HIVEP1: variants seen among roughly 807,000 people sequenced by gnomAD.
HIVEP1 encodes the protein HIVEP zinc finger 1.
In HIVEP1, 36 loss-of-function variants were observed where a neutral mutation model predicts 180.0. The ratio of observed to expected loss-of-function variants is 0.20; its 90% confidence interval spans 0.15 to 0.26. The LOEUF (loss-of-function observed/expected upper bound fraction) is 0.26, where lower values mean the gene tolerates loss of function less well. HIVEP1 is among the 10% of genes least tolerant of loss of function. The pLI, the probability that HIVEP1 is intolerant of heterozygous loss-of-function variation, is 1.00. For synonymous variants in HIVEP1, 1,239 were observed against 1,239.0 expected (o/e 1.00, Z 0.00); for missense variants, 3,143 against 3,268.7 (o/e 0.96, Z 0.94).
At chr6:12,064,070 A>G (rs1771405534) in intron 2 of HIVEP1, among the ~76,000 whole-genome samples, 1 of 152,158 alleles carries the variant, frequency 6.6e-6, no homozygotes, top group African/African-American at 2.4e-5. Flanking sequence ...GCTCCTACCC[A>G]GGTTTCTGGC....
At chr6:12,168,109 G>GTGTATA (rs1562024499), downstream of HIVEP1, among the ~76,000 whole-genome samples, 314 of 7,476 alleles carry the variant, frequency 0.042, 90 homozygotes, top group African/African-American at 0.086. Context: ...ACGTATATAT[G>GTGTATA]TATATTATAT....
chr6:12,184,709 G>A, the HIVEP1 span, among the ~76,000 whole-genome samples: 10 of 151,968 alleles, frequency 6.6e-5, no homozygotes, highest in South Asian at 2.1e-4. Context: ...AGTTAGAATC[G>A]AAAAAAATCA....
At chr6:12,162,693 G>A (rs916899899) in intron 8 of HIVEP1, among the ~76,000 whole-genome samples, 1 of 152,168 alleles carries the variant, frequency 6.6e-6, no homozygotes, top group Admixed American at 6.5e-5. Context: ...TGCTGTAAGC[G>A]TCTCTATCCC....
intron 3 of HIVEP1, among the ~76,000 whole-genome samples, chr6:12,117,736 G>A (rs974210962): frequency 2.0e-5 from 3 of 152,204 alleles, no homozygotes; most frequent in African/African-American, 7.2e-5. Flanking sequence ...CCTGACATGG[G>A]TAGATTATTT....
In HIVEP1 at chr6:12,163,309, T is replaced by A; in HGVS notation, c.7005T>A (p.Pro2335=). Residue 2335 remains proline (P), a synonymous_variant, in exon 9 of 9, where the codon CCT becomes CCA. Coordinates refer to ENST00000379388, the MANE Select transcript of HIVEP1 (RefSeq NM_002114.4). ...TQSPSSVRLP[P]AAAEHSPQTA... ...GCCCATCATCTGTAAGACTTCCTCC[T>A]GCTGCAGCTGAGCACAGCCCCCAGA... 6.2e-7 allele frequency: 1 copy of A among 1,614,116 alleles called. No individual in the cohort carries two copies. The highest frequency in any genetic ancestry group is 8.5e-7 in the Non-Finnish European group (1 of 1,179,968).
At position 12,160,938 on chromosome 6, in the gene HIVEP1, A is replaced by G. The variant is rs1162054274; in HGVS notation, c.6488-501A>G. Among the ~76,000 whole-genome samples, 4 of 152,212 alleles carry G rather than the reference A, an allele frequency of 2.6e-5. No individual in the cohort carries two copies. The South Asian group carries it at 6.2e-4, about 24-fold the overall frequency. ...TAAAAGTCCTTTTCTTTCCTCATCT[A>G]TAATACTATTCAAATCTAAAGAAAA... On this transcript the variant is annotated intron_variant, in intron 7 of 8. Transcript: ENST00000379388.
chr6:12,111,057 A>G (rs1774858741), intron 3 of HIVEP1, among the ~76,000 whole-genome samples: 1 of 152,238 alleles, frequency 6.6e-6, no homozygotes, highest in African/African-American at 2.4e-5. Context: ...CACACACAAC[A>G]TTTATTAAGT....
rs149381301 is a variant in HIVEP1, at chr6:12,155,841, A to G, written c.6488-5598A>G. Among the ~76,000 whole-genome samples, 15 of 152,308 alleles carry G rather than the reference A, an allele frequency of 9.8e-5. No homozygotes were observed. In the East Asian group the frequency reaches 2.9e-3, roughly 29 times the overall value. ...GAGGAATCACCACACTGTCTTCCAC[A>G]ATGGTTGAGCTAATTTACACTCCCA... On this transcript the variant is annotated intron_variant, in intron 7 of 8. Coordinates refer to ENST00000379388, the MANE Select transcript of HIVEP1 (RefSeq NM_002114.4).
At position 12,122,078 on chromosome 6, in the gene HIVEP1, C is replaced by T. The variant is rs1309418669; in HGVS notation, c.2283C>T (p.Asp761=). ...LISDNEALVD[D]KQLDSVKPRR... ...CAGACAATGAAGCTTTGGTAGATGA[C>T]AAGCAACTGGATAGTGTGAAGCCGC... is the stretch of plus-strand genomic sequence containing the variant. The change falls in exon 4 of 9, where the codon GAC becomes GAT. Residue 761 remains aspartate (D), a synonymous_variant. Transcript: ENST00000379388. The T allele has an allele frequency of 6.2e-7, 1 of 1,614,152 alleles. No individual in the cohort carries two copies. The highest frequency in any genetic ancestry group is 2.2e-5 in the East Asian group (1 of 44,884).
chr6:12,168,980 C>T (rs1760830529), downstream of HIVEP1, among the ~76,000 whole-genome samples: 1 of 151,702 alleles, frequency 6.6e-6, no homozygotes, highest in Admixed American at 6.6e-5. Flanking sequence ...CTCTGCCTCC[C>T]AGGTTCAAGT....
intron 2 of HIVEP1, among the ~76,000 whole-genome samples, chr6:12,062,485 A>G (rs1292610913): frequency 1.3e-5 from 2 of 152,224 alleles, no homozygotes; most frequent in African/African-American, 2.4e-5. Context: ...ATTCTAAGTT[A>G]CATCTATTCA....
intron 2 of HIVEP1, among the ~76,000 whole-genome samples, chr6:12,028,924 C>T (rs958009653): frequency 3.3e-5 from 5 of 152,164 alleles, no homozygotes; most frequent in African/African-American, 1.2e-4. Flanking sequence ...TTACATTTGC[C>T]TATTCTGGAC....
At chr6:12,157,218 G>A (rs759708253) in intron 7 of HIVEP1, among the ~76,000 whole-genome samples, 8 of 152,060 alleles carry the variant, frequency 5.3e-5, no homozygotes, top group Non-Finnish European at 1.2e-4. Flanking sequence ...TTTAAAATGC[G>A]TTTCTTATAT....
intron 7 of HIVEP1, among the ~76,000 whole-genome samples, chr6:12,152,428 G>A (rs1759761804): frequency 6.6e-6 from 1 of 152,030 alleles, no homozygotes; most frequent in African/African-American, 2.4e-5. Flanking sequence ...CAGAGGTTAA[G>A]GGGGACAGGG....
intron 2 of HIVEP1, among the ~76,000 whole-genome samples, chr6:12,029,892 C>G (rs1768827482): frequency 6.6e-6 from 1 of 152,108 alleles, no homozygotes; most frequent in African/African-American, 2.4e-5. Context: ...TTCTAGCACT[C>G]TCCTCTTCTT....
intron 2 of HIVEP1, among the ~76,000 whole-genome samples, chr6:12,056,119 T>TA (rs201052889): frequency 4.6e-5 from 7 of 151,094 alleles, no homozygotes; most frequent in Non-Finnish European, 8.9e-5. Flanking sequence ...AAACTAAGGT[T>TA]AAAAAAAAAG....
chr6:12,082,090 T>C (rs1772826514), intron 2 of HIVEP1, among the ~76,000 whole-genome samples: 1 of 152,170 alleles, frequency 6.6e-6, no homozygotes, highest in Admixed American at 6.6e-5. Flanking sequence ...TTTGTGTGTT[T>C]CTTTTCCTCT....
the HIVEP1 span, among the ~76,000 whole-genome samples, chr6:12,205,384 C>G: frequency 6.6e-6 from 1 of 151,772 alleles, no homozygotes; most frequent in Non-Finnish European, 1.5e-5. Context: ...AGCAGGAGAA[C>G]GGCGTGAACC....
Position 12,082,574 on chromosome 6 carries a change from A to G in HIVEP1, c.41-6610A>G, listed in dbSNP as rs186944720. On this transcript the variant is annotated intron_variant, in intron 2 of 8. Transcript: ENST00000379388. ...TAGGCTATGGTTTTAACTGCCAGTT[A>G]TGTAAGAAAGTGGCTCCTGAACTCT... Among the ~76,000 whole-genome samples the G allele has an allele frequency of 2.8e-3, 422 of 152,260 alleles. 2 individuals are homozygous for G. The highest frequency in any genetic ancestry group is 5.0e-3 in the Non-Finnish European group (338 of 68,004).
Sources: allele counts gnomAD v4.1 joint callset (sites outside exome capture counted in the v4.1 genomes callset), GRCh38; gene constraint gnomAD v4.1.1; transcripts MANE v1.5; gene names NCBI Gene and HGNC (gene_info 2026-07-23, HGNC 2026-07-21).